The following ST3GAL3 variants were observed in gnomAD, a reference collection of about 807,000 sequenced individuals.
The protein encoded by ST3GAL3 is ST3 beta-galactoside alpha-2,3-sialyltransferase 3.
A neutral mutation model predicts 50.1 loss-of-function variants in ST3GAL3; 21 were observed. The observed-to-expected ratio is 0.42, with a 90% CI of 0.30 to 0.60. ST3GAL3 has a LOEUF of 0.60. Ranked by LOEUF, ST3GAL3 falls within the 20% of genes least tolerant of loss-of-function variation. The pLI, the probability that ST3GAL3 is intolerant of heterozygous loss-of-function variation, is 0.19. For synonymous variants in ST3GAL3, 183 were observed against 190.0 expected (o/e 0.96, Z 0.30); for missense variants, 353 against 489.4 (o/e 0.72, Z 2.63).
Position 43,914,462 on chromosome 1 carries a change from A to G in ST3GAL3, c.745-5942A>G, listed in dbSNP as rs563511552. On this transcript the variant is annotated intron_variant, in intron 9 of 11. Transcript: ENST00000347631. ...CAGAGGCGGGAACTGCAGCGATGATACAAATGGTGTGGTGGAAAGAATGCC... is the reference window on the plus strand; with the variant it reads ...CAGAGGCGGGAACTGCAGCGATGATGCAAATGGTGTGGTGGAAAGAATGCC... 7.9e-5 allele frequency: 12 copies of G among 152,270 alleles called. No homozygotes were observed. The East Asian group carries it at 2.3e-3, about 29-fold the overall frequency. The allele number at this position is 152,270 out of a possible 1,614,324, so 9.4% of individuals were successfully genotyped here. A position where few individuals can be genotyped will look rare whatever the true frequency, so the allele number is the denominator to read the frequency against.
intron 11 of ST3GAL3, chr1:43,921,575 T>C: frequency 5.0e-6 from 2 of 399,574 alleles, no homozygotes; most frequent in Non-Finnish European, 8.8e-6. Flanking sequence ...GCTTCTCTGC[T>C]GCTACATCTG....
chr1:43,897,471 C>T (rs16831389), intron 6 of ST3GAL3, among the ~76,000 whole-genome samples: 6,566 of 152,252 alleles, frequency 0.043, 174 homozygotes, highest in East Asian at 0.13. Flanking sequence ...AATACCCTTG[C>T]TATTCACTAT....
At chr1:43,830,804 A>G (rs2063446482) in intron 4 of ST3GAL3, among the ~76,000 whole-genome samples, 1 of 152,232 alleles carries the variant, frequency 6.6e-6, no homozygotes, top group South Asian at 2.1e-4. Context: ...TCCCTGCCCA[A>G]TAGGCATACA....
intron 4 of ST3GAL3, among the ~76,000 whole-genome samples, chr1:43,825,787 A>G (rs2062718439): frequency 6.6e-6 from 1 of 152,186 alleles, no homozygotes; most frequent in Non-Finnish European, 1.5e-5. Context: ...CAAGAATGGA[A>G]GGGGAGAGGG....
intron 3 of ST3GAL3, among the ~76,000 whole-genome samples, chr1:43,813,860 GACAC>G (rs57947852): frequency 0.36 from 52,128 of 144,286 alleles, 9,599 homozygotes; most frequent in East Asian, 0.6. Context: ...TTTTTGGCTA[GACAC>G]ACACACACAC....
intron 3 of ST3GAL3, among the ~76,000 whole-genome samples, chr1:43,803,274 G>A (rs1364779108): frequency 6.6e-6 from 1 of 151,910 alleles, no homozygotes; most frequent in East Asian, 1.9e-4. Context: ...CGGGCACAGT[G>A]GTACGCACCT....
In ST3GAL3 at chr1:43,765,794, CGCGCGCGTCCGCGCGTCCGCGT is replaced by C. The variant is rs1265624218; in HGVS notation, c.119-26303_119-26282del. On this transcript the variant is annotated intron_variant, in intron 2 of 11. Transcript: ENST00000347631. ...GTGTGTGTGTGTGTGTGCGCGCGCG[CGCGCGCGTCCGCGCGTCCGCGT>C]GCGCTTTTTTTTTAGTGGTATAGGA... 1.9e-3 allele frequency among the ~76,000 whole-genome samples: 284 copies of C among 146,454 alleles called. 1 individual carries two copies. Among genetic ancestry groups the C allele is most frequent in the African/African-American group, 7.2e-3 (264 of 36,548 alleles).
chr1:43,750,609 G>T (rs1685646259), intron 2 of ST3GAL3, among the ~76,000 whole-genome samples: 1 of 152,054 alleles, frequency 6.6e-6, no homozygotes, highest in Admixed American at 6.6e-5. Context: ...TTATCTTTTG[G>T]CCCAGCACAG....
At chr1:43,815,038 A>G in intron 4 of ST3GAL3, 105 bp downstream of exon 4, 3 of 1,159,668 alleles carry the variant, frequency 2.6e-6, no homozygotes, top group Non-Finnish European at 1.3e-6. Flanking sequence ...TGACTGGGGG[A>G]CTCCCTGGGG....
At chr1:43,906,712 G>C (rs1240372757) in intron 9 of ST3GAL3, among the ~76,000 whole-genome samples, 4 of 150,974 alleles carry the variant, frequency 2.6e-5, no homozygotes, top group Non-Finnish European at 5.9e-5. Context: ...CCTTCCTTTT[G>C]TTCTCCTCTT....
At chr1:43,771,801 G>T in intron 2 of ST3GAL3, 1 of 373,308 alleles carries the variant, frequency 2.7e-6, no homozygotes, top group Non-Finnish European at 4.7e-6. Context: ...GATCATGGTT[G>T]TTATAGTTGT....
chr1:43,897,296 C>A (rs2077532900), intron 6 of ST3GAL3, among the ~76,000 whole-genome samples: 1 of 152,130 alleles, frequency 6.6e-6, no homozygotes, highest in Admixed American at 6.5e-5. Context: ...GTGGTGATAC[C>A]AGTTTACTTT....
intron 5 of ST3GAL3, among the ~76,000 whole-genome samples, chr1:43,877,536 C>CT (rs1377937098): frequency 1.3e-5 from 2 of 152,118 alleles, no homozygotes; most frequent in Non-Finnish European, 2.9e-5. Flanking sequence ...TAATGGGCTC[C>CT]TTTTTTGATG....
chr1:43,765,743 C>CTGTGTGTGTGTGTGTG (rs763910168), intron 2 of ST3GAL3, among the ~76,000 whole-genome samples: 1 of 140,798 alleles, frequency 7.1e-6, no homozygotes, highest in African/African-American at 2.6e-5. Flanking sequence ...ATGTGTGTGT[C>CTGTGTGTGTGTGTGTG]TGTGTGTGTC....
chr1:43,754,044 C>T (rs1448419598), intron 2 of ST3GAL3, among the ~76,000 whole-genome samples: 7 of 152,158 alleles, frequency 4.6e-5, no homozygotes, highest in African/African-American at 1.4e-4. Flanking sequence ...CTTTATTTCT[C>T]ACTGTAAAAA....
Position 43,899,244 on chromosome 1 carries a change from G to A in ST3GAL3, c.538G>A (p.Asp180Asn), listed in dbSNP as rs769217303. Residue 180 changes from aspartate (D) to asparagine (N), a missense_variant, in exon 8 of 12, where the codon GAC becomes AAC. Coordinates refer to ENST00000347631, the MANE Select transcript of ST3GAL3 (RefSeq NM_006279.5). The surrounding 1 kb of genome is among the most constrained non-coding windows in gnomAD (Gnocchi z 5.4). ...CAAGTCTCTGGGGTCACGAATTGAC[G>A]ACTATGACATTGTGGTGAGGTGAGC... ...ANKSLGSRID[D>N]YDIVVRLNSA... is the part of the protein sequence containing the mutation. 8.1e-6 allele frequency: 13 copies of A among 1,614,082 alleles called. No homozygotes were observed. The highest frequency in any genetic ancestry group is 3.3e-5 in the South Asian group (3 of 91,076).
rs141718701 is a variant in ST3GAL3, at chr1:43,793,872, C to G, written c.166+1723C>G. On this transcript the variant is annotated intron_variant, in intron 3 of 11. Coordinates refer to ENST00000347631, the MANE Select transcript of ST3GAL3 (RefSeq NM_006279.5). ...CTGAGACAGGAGGACAGCTTGAGGC[C>G]AGGAATTTGTGACCAGCTTGGGTAA... Among the ~76,000 whole-genome samples, 110 of 152,186 alleles carry G rather than the reference C, an allele frequency of 7.2e-4. 1 individual carries two copies. Among genetic ancestry groups the G allele is most frequent in the African/African-American group, 2.6e-3 (106 of 41,528 alleles).
chr1:43,884,900 G>A (rs1474470894), intron 5 of ST3GAL3, among the ~76,000 whole-genome samples: 1 of 152,200 alleles, frequency 6.6e-6, no homozygotes, highest in Non-Finnish European at 1.5e-5. Flanking sequence ...GGAACTAGGA[G>A]AAGACCCTAC....
chr1:43,916,324 G>A (rs1170512086), intron 9 of ST3GAL3, among the ~76,000 whole-genome samples: 1 of 152,180 alleles, frequency 6.6e-6, no homozygotes, highest in Non-Finnish European at 1.5e-5. Context: ...TGGAAGTGGT[G>A]GCAGTAGGTT....
Sources: allele counts gnomAD v4.1 joint callset (sites outside exome capture counted in the v4.1 genomes callset), GRCh38; gene constraint gnomAD v4.1.1; non-coding constraint Gnocchi (gnomAD v3.1); transcripts MANE v1.5; gene names NCBI Gene and HGNC (gene_info 2026-07-23, HGNC 2026-07-21).